The following SYT2 variants were observed in gnomAD, a reference collection of about 807,000 sequenced individuals.
The protein encoded by SYT2 is synaptotagmin 2.
Under a neutral mutation model 39.9 loss-of-function variants are expected in SYT2, and 15 were observed. That is an observed-to-expected ratio of 0.38 (90% CI 0.25 to 0.58). The LOEUF (loss-of-function observed/expected upper bound fraction) is 0.58, where lower values mean the gene tolerates loss of function less well. Among genes scored for constraint, SYT2 ranks in the 20% least tolerant of loss-of-function variants. The pLI is 0.70. For missense variants in SYT2, 389 were observed against 530.3 expected (o/e 0.73, Z 2.62); for synonymous variants, 181 against 204.5 (o/e 0.89, Z 0.98).
At chr1:202,624,564 AGTAGTGTGTGTGGTGTGTGATGTG>A (rs1309734032) in intron 1 of SYT2, among the ~76,000 whole-genome samples, 4 of 87,790 alleles carry the variant, frequency 4.6e-5, no homozygotes, top group Non-Finnish European at 9.0e-5. Context: ...TGTGGTGTTT[AGTAGTGTGTGTGGTGTGTGATGTG>A]TGTGGTATCT....
chr1:202,639,749 G>T, intron 1 of SYT2: 1 of 985,406 alleles, frequency 1.0e-6, no homozygotes, highest in Non-Finnish European at 1.2e-6. Flanking sequence ...CTTTCTCCAG[G>T]CCCCATGACG....
intron 1 of SYT2, among the ~76,000 whole-genome samples, chr1:202,695,132 G>T (rs1475908838): frequency 6.6e-6 from 1 of 151,712 alleles, no homozygotes; most frequent in Non-Finnish European, 1.5e-5. Flanking sequence ...AAGGTGTAGA[G>T]CACCTTCCTC....
intron 2 of SYT2, 134 bp downstream of exon 2, chr1:202,605,461 C>T (rs1313000352): frequency 8.6e-6 from 7 of 811,902 alleles, no homozygotes; most frequent in Non-Finnish European, 1.3e-5. Flanking sequence ...TGCAGGGGCT[C>T]TCCAAAAACC....
In SYT2 at chr1:202,599,415, T is replaced by C; in HGVS notation, c.920-64A>G. On this transcript the variant is annotated intron_variant, in intron 7 of 8. Coordinates refer to ENST00000367268, the MANE Select transcript of SYT2 (RefSeq NM_177402.5). The surrounding 1 kb of genome is among the most constrained non-coding windows in gnomAD (Gnocchi z 4.4). Reference sequence around the variant, plus strand: ...TAGCCCCCAGCCTTCCTGCCGAATGTACCAAGGCCTGCCCAGAGCATCGGT... The same window carrying C: ...TAGCCCCCAGCCTTCCTGCCGAATGCACCAAGGCCTGCCCAGAGCATCGGT... 6.6e-7 allele frequency: 1 copy of C among 1,526,676 alleles called. No individual in the cohort carries two copies. The highest frequency in any genetic ancestry group is 8.8e-7 in the Non-Finnish European group (1 of 1,142,258). The allele number at this position is 1,526,676 out of a possible 1,614,324, so 94.6% of individuals were successfully genotyped here.
intron 1 of SYT2, among the ~76,000 whole-genome samples, chr1:202,708,541 A>T (rs1265863734): frequency 6.6e-6 from 1 of 152,014 alleles, no homozygotes; most frequent in Non-Finnish European, 1.5e-5. Context: ...CCTGAGGGAA[A>T]GGTGGTTCAG....
At chr1:202,687,866 T>C (rs1212218006) in intron 1 of SYT2, among the ~76,000 whole-genome samples, 1 of 152,168 alleles carries the variant, frequency 6.6e-6, no homozygotes, top group Non-Finnish European at 1.5e-5. Context: ...CTCCTGTCTC[T>C]TCCTATCTGC....
chr1:202,686,206 C>T (rs186082283), intron 1 of SYT2, among the ~76,000 whole-genome samples: 3 of 152,294 alleles, frequency 2.0e-5, no homozygotes, highest in Middle Eastern at 3.4e-3. Context: ...CTGAGGCCCT[C>T]GCCAGAAACT....
At chr1:202,661,998 C>T (rs927604707) in intron 1 of SYT2, among the ~76,000 whole-genome samples, 6 of 152,202 alleles carry the variant, frequency 3.9e-5, no homozygotes, top group Admixed American at 6.5e-5. Context: ...ACAAGAGGCC[C>T]ACCCTCCAAT....
intron 1 of SYT2, among the ~76,000 whole-genome samples, chr1:202,667,033 TTC>T (rs1692492332): frequency 6.6e-6 from 1 of 152,186 alleles, no homozygotes; most frequent in Non-Finnish European, 1.5e-5. Flanking sequence ...TGTCATTATG[TTC>T]TCTTTCCCAT....
chr1:202,697,991 C>T (rs371253733), intron 1 of SYT2, among the ~76,000 whole-genome samples: 13 of 152,134 alleles, frequency 8.5e-5, no homozygotes, highest in South Asian at 2.1e-4. Flanking sequence ...CTCCTTGGTA[C>T]GGACAGGAGG....
intron 1 of SYT2, among the ~76,000 whole-genome samples, chr1:202,654,880 G>A (rs1464689651): frequency 1.3e-5 from 2 of 152,180 alleles, no homozygotes; most frequent in African/African-American, 2.4e-5. Flanking sequence ...AGATGCTAAT[G>A]GCTGGCCCAG....
chr1:202,653,693 G>A (rs910335795), intron 1 of SYT2, among the ~76,000 whole-genome samples: 2 of 152,202 alleles, frequency 1.3e-5, no homozygotes, highest in Non-Finnish European at 2.9e-5. Context: ...GGAGTCCCAC[G>A]ATGGAGGCAA....
intron 1 of SYT2, among the ~76,000 whole-genome samples, chr1:202,624,284 A>G (rs766504072): frequency 3.9e-4 from 54 of 138,250 alleles, no homozygotes; most frequent in Non-Finnish European, 2.9e-4. Flanking sequence ...GGGTGTGTAT[A>G]TATGGTGTGT....
At chr1:202,629,985 T>G (rs1378419643) in intron 1 of SYT2, among the ~76,000 whole-genome samples, 1 of 150,668 alleles carries the variant, frequency 6.6e-6, no homozygotes, top group Non-Finnish European at 1.5e-5. Context: ...AGAGATGGGC[T>G]TCTAGAAATA....
At chr1:202,648,941 G>A (rs1337845466) in intron 1 of SYT2, among the ~76,000 whole-genome samples, 1 of 152,210 alleles carries the variant, frequency 6.6e-6, no homozygotes. Flanking sequence ...TGTGTAGAAT[G>A]AAAGAGCTGT....
At position 202,600,307 on chromosome 1, in the gene SYT2, T is replaced by C. The variant is rs1300393909; in HGVS notation, c.919+50A>G. The C allele has an allele frequency of 2.7e-6, 4 of 1,505,958 alleles. No homozygotes were observed. The East Asian group carries it at 9.0e-5, about 34-fold the overall frequency. 93.3% of individuals were successfully genotyped at this position (1,505,958 alleles called of 1,614,324 possible). ...GTGTGCAAACTCTGGGACTTGGTGC[T>C]GACTGGCTCGCTGGTGCCACCCAAT... is the stretch of plus-strand genomic sequence containing the variant. On this transcript the variant is annotated intron_variant, in intron 7 of 8. Transcript: ENST00000367268.
At chr1:202,675,790 C>A (rs1283468965) in intron 1 of SYT2, among the ~76,000 whole-genome samples, 1 of 152,184 alleles carries the variant, frequency 6.6e-6, no homozygotes, top group Admixed American at 6.5e-5. Flanking sequence ...CCTAGAGGAC[C>A]AAATTAAAGC....
At chr1:202,654,237 ATTAAC>A (rs1243558161) in intron 1 of SYT2, among the ~76,000 whole-genome samples, 1 of 152,192 alleles carries the variant, frequency 6.6e-6, no homozygotes, top group African/African-American at 2.4e-5. Flanking sequence ...GGATGAGCTA[ATTAAC>A]TTAACTAATT....
At chr1:202,676,024 G>T (rs1428401520) in intron 1 of SYT2, among the ~76,000 whole-genome samples, 1 of 152,158 alleles carries the variant, frequency 6.6e-6, no homozygotes, top group East Asian at 1.9e-4. Flanking sequence ...ACTAGTAATT[G>T]ACAAGCCAGG....
Sources: allele counts gnomAD v4.1 joint callset (sites outside exome capture counted in the v4.1 genomes callset), GRCh38; gene constraint gnomAD v4.1.1; non-coding constraint Gnocchi (gnomAD v3.1); transcripts MANE v1.5; gene names NCBI Gene and HGNC (gene_info 2026-07-23, HGNC 2026-07-21).